The following CMKLR1 variants were observed in gnomAD, a reference collection of about 807,000 sequenced individuals.
CMKLR1 encodes the protein chemerin chemokine-like receptor 1.
In CMKLR1, 6 loss-of-function variants were observed where a neutral mutation model predicts 8.2. The observed-to-expected ratio is 0.73, with a 90% CI of 0.40 to 1.44. The LOEUF (loss-of-function observed/expected upper bound fraction) is 1.44. Ranked by LOEUF, CMKLR1 falls within the 40% of genes most tolerant of loss-of-function variation. The pLI, the probability that CMKLR1 is intolerant of heterozygous loss-of-function variation, is 0.02. For synonymous variants in CMKLR1, 178 were observed against 181.2 expected (o/e 0.98, Z 0.14); for missense variants, 429 against 478.0 (o/e 0.90, Z 0.96).
intron 2 of CMKLR1, among the ~76,000 whole-genome samples, chr12:108,305,774 C>T (rs967314082): frequency 1.3e-5 from 2 of 152,252 alleles, no homozygotes; most frequent in African/African-American, 4.8e-5. Context: ...CGCACTGAGT[C>T]ACTGCAGCAG....
chr12:108,307,773 A>G (rs1198285701), intron 2 of CMKLR1, among the ~76,000 whole-genome samples: 1 of 152,204 alleles, frequency 6.6e-6, no homozygotes, highest in African/African-American at 2.4e-5. Context: ...CTCAGTCGGG[A>G]CAGGGCATTA....
At chr12:108,331,855 G>A (rs1892116247) in intron 1 of CMKLR1, among the ~76,000 whole-genome samples, 1 of 152,156 alleles carries the variant, frequency 6.6e-6, no homozygotes, top group African/African-American at 2.4e-5. Flanking sequence ...CTCCGGAAGA[G>A]ATGCAATCTT....
chr12:108,298,764 C>T (rs774330848), intron 2 of CMKLR1, among the ~76,000 whole-genome samples: 2 of 152,262 alleles, frequency 1.3e-5, no homozygotes, highest in African/African-American at 4.8e-5. Context: ...GAAGCCCATT[C>T]TCCAGGCCCA....
At chr12:108,304,947 C>T (rs1891369776) in intron 2 of CMKLR1, among the ~76,000 whole-genome samples, 2 of 152,242 alleles carry the variant, frequency 1.3e-5, no homozygotes, top group Admixed American at 1.3e-4. Context: ...GGAAACATTC[C>T]TCGCTCTGCA....
At chr12:108,295,811 C>T (rs2137296402) in intron 2 of CMKLR1, among the ~76,000 whole-genome samples, 1 of 152,346 alleles carries the variant, frequency 6.6e-6, no homozygotes, top group South Asian at 2.1e-4. Context: ...ACAGCATCTG[C>T]AGAGATGCAG....
chr12:108,307,935 A>G (rs1891450990), intron 2 of CMKLR1, among the ~76,000 whole-genome samples: 1 of 152,222 alleles, frequency 6.6e-6, no homozygotes. Flanking sequence ...AAAAACAGCC[A>G]GCCCTTCATC....
At chr12:108,306,123 A>G (rs1891400223) in intron 2 of CMKLR1, among the ~76,000 whole-genome samples, 2 of 152,132 alleles carry the variant, frequency 1.3e-5, no homozygotes, top group Admixed American at 1.3e-4. Context: ...GAAAATCTCA[A>G]TAGGCTGTTT....
At chr12:108,310,003 C>G (rs552614214) in intron 2 of CMKLR1, among the ~76,000 whole-genome samples, 11 of 152,082 alleles carry the variant, frequency 7.2e-5, no homozygotes, top group Non-Finnish European at 1.5e-4. Context: ...TGGCTCTGCA[C>G]AAAGTAAAGA....
chr12:108,310,815 T>C (rs992462684), intron 2 of CMKLR1, among the ~76,000 whole-genome samples: 17 of 152,060 alleles, frequency 1.1e-4, no homozygotes, highest in Non-Finnish European at 2.9e-5. Context: ...CCGGGCCTCA[T>C]GGACCCAGGG....
At chr12:108,304,621 C>T (rs1350709531) in intron 2 of CMKLR1, among the ~76,000 whole-genome samples, 1 of 152,028 alleles carries the variant, frequency 6.6e-6, no homozygotes, top group African/African-American at 2.4e-5. Flanking sequence ...TTGTTCCTGG[C>T]CCTCTCCGTC....
At chr12:108,327,008 A>C (rs1249108168) in intron 2 of CMKLR1, among the ~76,000 whole-genome samples, 1 of 152,122 alleles carries the variant, frequency 6.6e-6, no homozygotes, top group Non-Finnish European at 1.5e-5. Flanking sequence ...TGAGAGAGAG[A>C]GAGAGAGAGA....
rs571564598 is a variant in CMKLR1, at chr12:108,336,289, G to C, written c.-287+2738C>G. Among the ~76,000 whole-genome samples the C allele has an allele frequency of 2.0e-5, 3 of 152,312 alleles. No individual in the cohort carries two copies. In the East Asian group the frequency reaches 5.8e-4, roughly 29 times the overall value. ...TGGCCGGGCGCAGTGGCTCACGCCT[G>C]TAATCCCAGCACTTTTGGAGGCCGA... On this transcript the variant is annotated intron_variant, in intron 1 of 3. Coordinates refer to ENST00000550402, the MANE Select transcript of CMKLR1 (RefSeq NM_001142343.2).
At chr12:108,315,454 T>C (rs1252496108) in intron 2 of CMKLR1, among the ~76,000 whole-genome samples, 1 of 152,196 alleles carries the variant, frequency 6.6e-6, no homozygotes, top group Non-Finnish European at 1.5e-5. Flanking sequence ...ACAGTTTCCC[T>C]ACTCATAGAT....
At chr12:108,315,112 T>A (rs1041810802) in intron 2 of CMKLR1, among the ~76,000 whole-genome samples, 1 of 149,948 alleles carries the variant, frequency 6.7e-6, no homozygotes, top group Non-Finnish European at 1.5e-5. Context: ...TGATTTTGTA[T>A]TTTTAGCAGT....
At chr12:108,325,610 C>T (rs1262919401) in intron 2 of CMKLR1, among the ~76,000 whole-genome samples, 1 of 152,176 alleles carries the variant, frequency 6.6e-6, no homozygotes, top group Non-Finnish European at 1.5e-5. Flanking sequence ...TCCCCCTGCC[C>T]CACCCAGATA....
intron 2 of CMKLR1, among the ~76,000 whole-genome samples, chr12:108,294,769 A>G (rs1339686321): frequency 6.6e-6 from 1 of 152,064 alleles, no homozygotes; most frequent in Non-Finnish European, 1.5e-5. Context: ...TGATCTCCCC[A>G]TCTTGTCAAA....
intron 2 of CMKLR1, among the ~76,000 whole-genome samples, chr12:108,306,918 A>T (rs1355380745): frequency 1.3e-5 from 2 of 152,134 alleles, no homozygotes; most frequent in Non-Finnish European, 2.9e-5. Context: ...CATTTGATGG[A>T]CATCTGTCCT....
chr12:108,335,161 G>T (rs1032118503), intron 1 of CMKLR1, among the ~76,000 whole-genome samples: 1 of 152,152 alleles, frequency 6.6e-6, no homozygotes, highest in Non-Finnish European at 1.5e-5. Context: ...ACAGAGACAG[G>T]TAGCTGTCCA....
chr12:108,337,415 A>G (rs1312327668), intron 1 of CMKLR1, among the ~76,000 whole-genome samples: 2 of 152,192 alleles, frequency 1.3e-5, no homozygotes, highest in Admixed American at 6.5e-5. Flanking sequence ...TCCATGAACA[A>G]TGACCCTAAT....
Sources: gnomAD v4.1 joint callset for allele counts (sites outside exome capture counted in the v4.1 genomes callset) on GRCh38, gnomAD v4.1.1 for gene constraint, MANE v1.5 for transcripts, NCBI Gene and HGNC (gene_info 2026-07-23, HGNC 2026-07-21) for gene names.